The following RARA variants were observed in gnomAD, a reference collection of about 807,000 sequenced individuals.
The protein encoded by RARA is PML-DDX5-RARA fusion.
RARA carries 5 observed loss-of-function variants against 42.8 expected under a neutral mutation model. The ratio of observed to expected loss-of-function variants is 0.12; its 90% CI spans 0.06 to 0.25. The LOEUF (loss-of-function observed/expected upper bound fraction) is 0.25. RARA is among the 10% of genes least tolerant of loss of function. RARA has a pLI of 1.00. For synonymous variants in RARA, 256 were observed against 259.5 expected, an observed-to-expected ratio of 0.99 and a Z score of 0.13; for missense variants, 402 against 628.7, an observed-to-expected ratio of 0.64 and a Z score of 3.86.
intron 4 of RARA, 139 bp downstream of exon 4, chr17:40,350,064 G>A (rs2034393287): frequency 7.4e-7 from 1 of 1,353,824 alleles, no homozygotes; most frequent in South Asian, 1.5e-5. Flanking sequence ...TCACGGTTGA[G>A]GATGGTTTGT....
chr17:40,334,343 C>T (rs80326106), intron 2 of RARA, among the ~76,000 whole-genome samples: 1 of 152,316 alleles, frequency 6.6e-6, no homozygotes, highest in African/African-American at 2.4e-5. Context: ...TTCCCTGCCC[C>T]TCCCCTCTCC....
chr17:40,337,537 G>T (rs987016069), intron 2 of RARA, among the ~76,000 whole-genome samples: 11 of 152,108 alleles, frequency 7.2e-5, no homozygotes, highest in African/African-American at 2.4e-4. Flanking sequence ...GTAGCCCACG[G>T]GAGTTTGCAG....
chr17:40,331,918 C>T (rs1367574667), intron 2 of RARA, among the ~76,000 whole-genome samples: 5 of 152,170 alleles, frequency 3.3e-5, no homozygotes, highest in African/African-American at 1.2e-4. Flanking sequence ...CTAGGATGTG[C>T]TTCCCTTTGT....
chr17:40,330,149 G>A (rs1227900345), intron 1 of RARA, among the ~76,000 whole-genome samples: 2 of 152,204 alleles, frequency 1.3e-5, no homozygotes, highest in Non-Finnish European at 2.9e-5. Context: ...GCAGACAGAA[G>A]TATGTGGGTG....
At chr17:40,341,567 G>GGGCGAGCCCCGCGGGCGGGCT (rs2034040832) in intron 2 of RARA, 2 of 1,371,040 alleles carry the variant, frequency 1.5e-6, no homozygotes, top group Non-Finnish European at 1.9e-6. Context: ...GGGGGCTGGC[G>GGGCGAGCCCCGCGGGCGGGCT]GGCGAGCCCC....
At position 40,356,916 on chromosome 17, in the gene RARA, C is replaced by T. The variant is rs1042008053; in HGVS notation, c.*690C>T. On this transcript the variant is annotated 3_prime_UTR_variant, in exon 9 of 9. Transcript: ENST00000254066. ...CCCACTCTCCTTTCATGTCCCTGTG[C>T]CCCCCAGTTCTCCTCCTCAGCCTTT... 7.5e-6 allele frequency: 3 copies of T among 401,178 alleles called. No homozygotes were observed. Among genetic ancestry groups the T allele is most frequent in the Non-Finnish European group, 1.4e-5 (3 of 215,524 alleles). The allele number at this position is 401,178 out of a possible 1,614,324, so 24.9% of individuals were successfully genotyped here. A position where few individuals can be genotyped will look rare whatever the true frequency, so the allele number is the denominator to read the frequency against.
At chr17:40,317,873 G>A (rs989507847) in intron 1 of RARA, among the ~76,000 whole-genome samples, 2 of 152,036 alleles carry the variant, frequency 1.3e-5, no homozygotes, top group African/African-American at 4.8e-5. Context: ...TCCATATTAC[G>A]CCGCCGCCTC....
In RARA at chr17:40,351,780, G is replaced by A. The variant is rs2034460544; in HGVS notation, c.470-130G>A. 4.1e-6 allele frequency: 5 copies of A among 1,229,624 alleles called. No homozygotes were observed. The East Asian group carries it at 7.7e-5, about 19-fold the overall frequency. 76.2% of individuals were successfully genotyped at this position (1,229,624 alleles called of 1,614,324 possible). A position where few individuals can be genotyped will look rare whatever the true frequency, so the allele number is the denominator to read the frequency against. The stretch of plus-strand genomic sequence containing the variant: ...GGCAATGCCTTGCCTGCCCGTGAAC[G>A]CGTGCTGTGTGCGCGTGCTTACAAG... On this transcript the variant is annotated intron_variant, in intron 4 of 8. Coordinates refer to ENST00000254066, the MANE Select transcript of RARA (RefSeq NM_000964.4). The surrounding 1 kb of genome is among the most constrained non-coding windows in gnomAD (Gnocchi z 4.1).
At position 40,352,924 on chromosome 17, in the gene RARA, A is replaced by G. The variant is rs1454125607; in HGVS notation, c.807+417A>G. Among the ~76,000 whole-genome samples, 1 of 152,192 alleles carries G rather than the reference A, an allele frequency of 6.6e-6. No homozygotes were observed. Among genetic ancestry groups the G allele is most frequent in the Non-Finnish European group, 1.5e-5 (1 of 68,022 alleles). ...TGAGACCTTATTTCTGCAAAAAACTAAAAAGATTCACCTAGGATCCTCTGG... is the reference window on the plus strand; with the variant it reads ...TGAGACCTTATTTCTGCAAAAAACTGAAAAGATTCACCTAGGATCCTCTGG... On this transcript the variant is annotated intron_variant, in intron 6 of 8. Transcript: ENST00000254066. The surrounding 1 kb of genome is among the most constrained non-coding windows in gnomAD (Gnocchi z 4.9).
chr17:40,350,062 G>A, intron 4 of RARA, 137 bp downstream of exon 4: 1 of 1,364,232 alleles, frequency 7.3e-7, no homozygotes, highest in Admixed American at 2.5e-5. Context: ...GCTCACGGTT[G>A]AGGATGGTTT....
intron 3 of RARA, chr17:40,348,735 C>T (rs2034349318): frequency 3.2e-6 from 1 of 309,964 alleles, no homozygotes; most frequent in Non-Finnish European, 5.9e-6. Context: ...TACGCCTGCT[C>T]TGCCACCGCT....
intron 1 of RARA, among the ~76,000 whole-genome samples, chr17:40,323,742 C>T (rs1348412668): frequency 1.2e-5 from 1 of 81,152 alleles, no homozygotes; most frequent in Non-Finnish European, 2.5e-5. Context: ...GGGGGGGGGT[C>T]AATGGGTCGG....
chr17:40,343,946 C>G lies in RARA; in HGVS notation c.179-4370C>G, dbSNP rs371799116. On this transcript the variant is annotated intron_variant, in intron 2 of 8. Coordinates refer to ENST00000254066, the MANE Select transcript of RARA (RefSeq NM_000964.4). The stretch of plus-strand genomic sequence containing the variant: ...GCAGTGTACACTGGGTGGGCGGGAG[C>G]AGGCGCAAGGGGGTTATTGTTAGAT... 9.2e-5 allele frequency among the ~76,000 whole-genome samples: 14 copies of G among 152,254 alleles called. No individual in the cohort carries two copies. In the East Asian group the frequency reaches 1.4e-3, roughly 15 times the overall value.
Position 40,352,817 on chromosome 17 carries a change from G to A in RARA, c.807+310G>A, listed in dbSNP as rs888075553. ...GAGCCAGGTGCAGTGGCTCATACCTGTAATCCCAGCACTTTGGGAGGCCGA... is the reference window on the plus strand; with the variant it reads ...GAGCCAGGTGCAGTGGCTCATACCTATAATCCCAGCACTTTGGGAGGCCGA... On this transcript the variant is annotated intron_variant, in intron 6 of 8. Coordinates refer to ENST00000254066, the MANE Select transcript of RARA (RefSeq NM_000964.4). The surrounding 1 kb of genome is among the most constrained non-coding windows in gnomAD (Gnocchi z 4.9). 1.3e-5 allele frequency among the ~76,000 whole-genome samples: 2 copies of A among 152,186 alleles called. No homozygotes were observed. Among genetic ancestry groups the A allele is most frequent in the African/African-American group, 4.8e-5 (2 of 41,442 alleles).
rs1030161520 is a variant in RARA at position 40,331,518 on chromosome 17, C to G, written c.178+122C>G. On this transcript the variant is annotated intron_variant, in intron 2 of 8. Coordinates refer to ENST00000254066, the MANE Select transcript of RARA (RefSeq NM_000964.4). ...AAGGCACGGTGAGCGACAAGGTCTT[C>G]TCCAGTTGGGGTGACCATCATTTGA... 8 of 1,210,060 alleles carry G rather than the reference C, an allele frequency of 6.6e-6. No individual in the cohort carries two copies. In the Admixed American group the frequency reaches 1.4e-4, roughly 22 times the overall value. 75.0% of individuals were successfully genotyped at this position (1,210,060 alleles called of 1,614,324 possible).
intron 1 of RARA, among the ~76,000 whole-genome samples, chr17:40,315,697 G>A (rs1485279680): frequency 6.6e-6 from 1 of 152,138 alleles, no homozygotes; most frequent in Non-Finnish European, 1.5e-5. Flanking sequence ...TGTACTAGAA[G>A]TGTGGGCCCT....
At chr17:40,341,237 G>C (rs1434715921) in intron 2 of RARA, 2 of 1,030,704 alleles carry the variant, frequency 1.9e-6, no homozygotes, top group Non-Finnish European at 2.6e-6. Context: ...CAGTGCACCA[G>C]GGGCCGGTAC....
intron 1 of RARA, among the ~76,000 whole-genome samples, chr17:40,327,795 G>A (rs182841713): frequency 2.6e-5 from 4 of 152,328 alleles, no homozygotes; most frequent in South Asian, 2.1e-4. Context: ...AGGAACTGAT[G>A]AGGTTCTGCC....
intron 1 of RARA, among the ~76,000 whole-genome samples, chr17:40,327,578 G>T (rs1048963972): frequency 6.6e-6 from 1 of 152,222 alleles, no homozygotes; most frequent in African/African-American, 2.4e-5. Context: ...CTGTGTACTG[G>T]GGCCCATGCA....
Sources: gnomAD v4.1 joint callset for allele counts (sites outside exome capture counted in the v4.1 genomes callset) on GRCh38, gnomAD v4.1.1 for gene constraint, Gnocchi (gnomAD v3.1) non-coding constraint, MANE v1.5 for transcripts, NCBI Gene and HGNC (gene_info 2026-07-23, HGNC 2026-07-21) for gene names.